The following ABCG1 variants were observed in gnomAD, a reference collection of about 807,000 sequenced individuals.
The protein encoded by ABCG1 is ATP binding cassette subfamily G member 1.
ABCG1 carries 29 observed loss-of-function variants against 69.2 expected under a neutral mutation model. The observed-to-expected ratio is 0.42, with a 90% CI of 0.31 to 0.57. ABCG1 has a LOEUF of 0.57. Ranked by LOEUF, ABCG1 falls within the 20% of genes least tolerant of loss-of-function variation. The pLI, the probability that ABCG1 is intolerant of heterozygous loss-of-function variation, is 0.15. For missense variants in ABCG1, 718 were observed against 898.1 expected, an observed-to-expected ratio of 0.80 and a Z score of 2.56; for synonymous variants, 370 against 374.8, an observed-to-expected ratio of 0.99 and a Z score of 0.15.
intron 5 of ABCG1, among the ~76,000 whole-genome samples, chr21:42,279,867 G>A (rs1255865794): frequency 6.6e-6 from 1 of 152,232 alleles, no homozygotes; most frequent in Non-Finnish European, 1.5e-5. Context: ...AGCTACACGG[G>A]ACCCGAAGGC....
At chr21:42,258,371 C>T (rs2068345174) in intron 2 of ABCG1, among the ~76,000 whole-genome samples, 1 of 149,656 alleles carries the variant, frequency 6.7e-6, no homozygotes, top group African/African-American at 2.5e-5. Flanking sequence ...CCCTCCATCC[C>T]TCTTTCCATC....
chr21:42,244,987 C>T (rs1473218870), intron 2 of ABCG1, among the ~76,000 whole-genome samples: 2 of 152,370 alleles, frequency 1.3e-5, no homozygotes, highest in South Asian at 4.1e-4. Flanking sequence ...CCTCTGAGAA[C>T]GACCCTCAGG....
rs748895427 is a variant in ABCG1 at position 42,294,592 on chromosome 21, G to A, written c.1704G>A (p.Ser568=). The change falls in exon 14 of 15, where the codon TCG becomes TCA. Residue 568 remains serine (S), a synonymous_variant. Coordinates refer to ENST00000398449, the MANE Select transcript of ABCG1 (RefSeq NM_016818.3). ...CAGCCATCCCGGTGCTCCTGTTCTC[G>A]GGGTTCTTCGTCAGCTTCGACACCA... ...PVTAIPVLLF[S]GFFVSFDTIP... The A allele has an allele frequency of 4.3e-6, 7 of 1,614,040 alleles. No homozygotes were observed. The highest frequency in any genetic ancestry group is 1.6e-4 in the Middle Eastern group (1 of 6,080).
chr21:42,259,344 T>G (rs747366876), intron 2 of ABCG1: 21 of 1,550,110 alleles, frequency 1.4e-5, no homozygotes, highest in Non-Finnish European at 1.7e-5. Flanking sequence ...GGTGGCAGCT[T>G]TAGCTTCTGC....
At chr21:42,201,505 A>C (rs1001100182) in intron 1 of ABCG1, 1 of 1,055,910 alleles carries the variant, frequency 9.5e-7, no homozygotes, top group African/African-American at 1.6e-5. Context: ...CTTGTCTTAC[A>C]TGACAGGGTG....
At chr21:42,250,145 C>A (rs998175360) in intron 2 of ABCG1, among the ~76,000 whole-genome samples, 5 of 151,972 alleles carry the variant, frequency 3.3e-5, no homozygotes, top group Non-Finnish European at 7.4e-5. Context: ...TAAGTCTAAA[C>A]CACTGAGGAC....
chr21:42,293,766 AT>A (rs2069143895), intron 13 of ABCG1, among the ~76,000 whole-genome samples: 1 of 150,338 alleles, frequency 6.7e-6, no homozygotes, highest in Non-Finnish European at 1.5e-5. Context: ...TACATACCAC[AT>A]ACCACACCCT....
intron 2 of ABCG1, among the ~76,000 whole-genome samples, chr21:42,250,064 G>A (rs187232081): frequency 0.011 from 1,618 of 151,632 alleles, 14 homozygotes; most frequent in Non-Finnish European, 0.019. Context: ...GAAGGTGCCC[G>A]TGTGTTGTGT....
Position 42,206,225 on chromosome 21 carries a change from C to A in ABCG1, c.48+4502C>A, listed in dbSNP as rs560087881. Among the ~76,000 whole-genome samples, 4 of 152,234 alleles carry A rather than the reference C, an allele frequency of 2.6e-5. No individual in the cohort carries two copies. The South Asian group carries it at 8.3e-4, about 32-fold the overall frequency. ...ATTAGCCAGACATGGTGGCACACAC[C>A]TGTAATCCCAGCTACTCAGGAGGCT... On this transcript the variant is annotated intron_variant, in intron 2 of 15. Transcript: ENST00000398457.
chr21:42,265,913 A>C (rs936665982), intron 2 of ABCG1, among the ~76,000 whole-genome samples: 1 of 152,096 alleles, frequency 6.6e-6, no homozygotes, highest in Non-Finnish European at 1.5e-5. Flanking sequence ...TTGAGGGATT[A>C]ATCTATAGGC....
At chr21:42,200,827 G>T (rs902353004) in intron 1 of ABCG1, among the ~76,000 whole-genome samples, 1 of 152,100 alleles carries the variant, frequency 6.6e-6, no homozygotes, top group East Asian at 1.9e-4. Context: ...GACTTCAAGT[G>T]ATCCACCTGC....
At chr21:42,286,645 G>T (rs1256294871) in intron 8 of ABCG1, among the ~76,000 whole-genome samples, 3 of 152,222 alleles carry the variant, frequency 2.0e-5, no homozygotes, top group Non-Finnish European at 4.4e-5. Flanking sequence ...AAGAGTAACA[G>T]ATCAGTAACG....
chr21:42,216,163 T>C, upstream of ABCG1: 1 of 451,814 alleles, frequency 2.2e-6, no homozygotes, highest in Non-Finnish European at 4.4e-6. Context: ...GCCATGATCA[T>C]GAGGCTTCCC....
chr21:42,220,278 C>G (rs2067702901), intron 1 of ABCG1, among the ~76,000 whole-genome samples: 1 of 152,220 alleles, frequency 6.6e-6, no homozygotes, highest in African/African-American at 2.4e-5. Flanking sequence ...ATTACTTCCC[C>G]GAGGCTGTAA....
rs2067695750 is a variant in ABCG1, at chr21:42,219,961, T to C, written c.42+657T>C. The stretch of plus-strand genomic sequence containing the variant: ...GCGCGCGCCGGAGAGAGAGACGCGG[T>C]GGGGACAGGGATGCGCATTTCACTT... On this transcript the variant is annotated intron_variant, in intron 1 of 14. Transcript: ENST00000398449. This position sits in a 1 kb window ranked among gnomAD's most constrained non-coding sequence, Gnocchi z 5.3. 2 of 1,551,716 alleles carry C rather than the reference T, an allele frequency of 1.3e-6. No homozygotes were observed. Among genetic ancestry groups the C allele is most frequent in the Non-Finnish European group, 8.7e-7 (1 of 1,147,076 alleles).
intron 2 of ABCG1, among the ~76,000 whole-genome samples, chr21:42,210,381 G>A (rs932210945): frequency 7.2e-5 from 11 of 152,078 alleles, no homozygotes; most frequent in African/African-American, 2.7e-4. Context: ...TATTTGTTAT[G>A]GGTGTGATGG....
At chr21:42,254,330 C>T (rs1359809113) in intron 2 of ABCG1, among the ~76,000 whole-genome samples, 2 of 152,194 alleles carry the variant, frequency 1.3e-5, no homozygotes, top group African/African-American at 2.4e-5. Context: ...CAAATTAAAT[C>T]AGCTGTTCTC....
At chr21:42,289,100 C>A (rs933924630) in intron 10 of ABCG1, among the ~76,000 whole-genome samples, 2 of 152,200 alleles carry the variant, frequency 1.3e-5, no homozygotes, top group Non-Finnish European at 2.9e-5. Flanking sequence ...AACCATATCA[C>A]TAAACTTTCA....
At chr21:42,224,515 C>T (rs2123516827) in intron 1 of ABCG1, among the ~76,000 whole-genome samples, 1 of 152,352 alleles carries the variant, frequency 6.6e-6, no homozygotes, top group African/African-American at 2.4e-5. Context: ...ACCCCACATG[C>T]CCGGGACCAG....
Sources: gnomAD v4.1 joint callset for allele counts (sites outside exome capture counted in the v4.1 genomes callset) on GRCh38, gnomAD v4.1.1 for gene constraint, Gnocchi (gnomAD v3.1) non-coding constraint, MANE v1.5 for transcripts, NCBI Gene and HGNC (gene_info 2026-07-23, HGNC 2026-07-21) for gene names.